KCTD2: variants seen among roughly 807,000 people sequenced by gnomAD.
KCTD2 encodes the protein potassium channel tetramerization domain containing 2.
A neutral mutation model predicts 27.9 loss-of-function variants in KCTD2; 18 were observed. The ratio of observed to expected loss-of-function variants is 0.64; its 90% CI spans 0.45 to 0.96. The LOEUF (loss-of-function observed/expected upper bound fraction) is 0.96, where lower values mean the gene tolerates loss of function less well. Ranked by LOEUF, KCTD2 falls within the 40% of genes least tolerant of loss-of-function variation. KCTD2 has a pLI of 0.00. For synonymous variants in KCTD2, 175 were observed against 148.4 expected (o/e 1.18, Z -1.30); for missense variants, 280 against 348.0 (o/e 0.80, Z 1.56).
chr17:75,042,156 G>C (rs1418905144), intron 3 of KCTD2: 1 of 1,597,358 alleles, frequency 6.3e-7, no homozygotes, highest in Admixed American at 1.7e-5. Flanking sequence ...TACAAGCTCA[G>C]TGCTTTAGAG....
intron 3 of KCTD2, among the ~76,000 whole-genome samples, chr17:75,056,897 G>C (rs1342556867): frequency 6.6e-6 from 1 of 150,456 alleles, no homozygotes; most frequent in Non-Finnish European, 1.5e-5. Context: ...TGACCTCTTA[G>C]CTCTTAGTGG....
Position 75,063,015 on chromosome 17 carries a change from C to T in KCTD2, c.763-3C>T. 2 of 1,614,058 alleles carry T rather than the reference C, an allele frequency of 1.2e-6. No individual in the cohort carries two copies. Among genetic ancestry groups the T allele is most frequent in the African/African-American group, 2.7e-5 (2 of 75,032 alleles). ...CAGCCTCTCCCCCATCTCCAACTTT[C>T]AGATTCTTCAGGAGAGAGGATCGCG... On this transcript the variant is annotated splice_region_variant and splice_polypyrimidine_tract_variant and intron_variant, in intron 5 of 5. Transcript: ENST00000322444.
intron 4 of KCTD2, among the ~76,000 whole-genome samples, chr17:75,061,297 G>A (rs188555645): frequency 4.6e-5 from 7 of 152,244 alleles, no homozygotes; most frequent in South Asian, 2.1e-4. Context: ...GCTCCCCTGC[G>A]TGTGTATTTC....
chr17:75,037,822 G>A (rs2073118686), intron 3 of KCTD2, among the ~76,000 whole-genome samples: 1 of 152,080 alleles, frequency 6.6e-6, no homozygotes, highest in Non-Finnish European at 1.5e-5. Flanking sequence ...GGCTGAGGCG[G>A]GCGGATCACA....
intron 2 of KCTD2, among the ~76,000 whole-genome samples, chr17:75,052,192 C>T (rs985046338): frequency 6.6e-6 from 1 of 152,126 alleles, no homozygotes; most frequent in African/African-American, 2.4e-5. Flanking sequence ...CATACCCTGG[C>T]GTTTGACTAA....
upstream of KCTD2, among the ~76,000 whole-genome samples, chr17:75,044,544 G>A (rs929586201): frequency 4.7e-5 from 7 of 149,396 alleles, no homozygotes; most frequent in South Asian, 2.1e-4. Flanking sequence ...GTTTCTCCAC[G>A]TTGGCCAGGA....
At chr17:75,043,729 T>C (rs1204130550), upstream of KCTD2, among the ~76,000 whole-genome samples, 1 of 152,092 alleles carries the variant, frequency 6.6e-6, no homozygotes, top group Non-Finnish European at 1.5e-5. Context: ...TCCACCCAGA[T>C]TGTGTTTTAT....
intron 3 of KCTD2, among the ~76,000 whole-genome samples, chr17:75,036,483 G>A (rs1409255557): frequency 6.6e-6 from 1 of 152,164 alleles, no homozygotes; most frequent in Non-Finnish European, 1.5e-5. Context: ...CAATCCAAGA[G>A]GGCATAAAAA....
chr17:75,033,867 G>C (rs768841052), intron 1 of KCTD2, among the ~76,000 whole-genome samples: 1 of 152,258 alleles, frequency 6.6e-6, no homozygotes, highest in Non-Finnish European at 1.5e-5. Flanking sequence ...GGGGACACTC[G>C]CTTATGAGGG....
chr17:75,045,399 T>G (rs1322779130), upstream of KCTD2, among the ~76,000 whole-genome samples: 1 of 152,206 alleles, frequency 6.6e-6, no homozygotes, highest in East Asian at 1.9e-4. Flanking sequence ...TGACCAAAAT[T>G]TATTAGGTGG....
chr17:75,050,151 A>G (rs977532148), intron 2 of KCTD2, among the ~76,000 whole-genome samples: 2 of 152,244 alleles, frequency 1.3e-5, no homozygotes, highest in Admixed American at 1.3e-4. Flanking sequence ...TAGTACATAC[A>G]GTGAATTCCT....
Position 75,062,233 on chromosome 17 carries a change from C to G in KCTD2, c.750C>G (p.Ser250Arg). 2 of 1,612,126 alleles carry G rather than the reference C, an allele frequency of 1.2e-6. No homozygotes were observed. Among genetic ancestry groups the G allele is most frequent in the Non-Finnish European group, 1.7e-6 (2 of 1,179,288 alleles). The stretch of plus-strand genomic sequence containing the variant: ...CCAATGGCATCGTCATAGAGCCGAG[C>G]GAAAAGGCGAAGGTAAGGAGCCCCT... The part of the protein sequence containing the change: ...NSTNGIVIEP[S>R]EKAKILQERG... The change falls in exon 5 of 6, where the codon AGC becomes AGG. Residue 250 changes from serine to arginine, a missense_variant. Transcript: ENST00000322444.
Position 75,047,471 on chromosome 17 carries a change from T to C in KCTD2, c.221T>C (p.Val74Ala). Residue 74 changes from valine to alanine, a missense_variant, in exon 1 of 6, where the codon GTC (valine) becomes GCC (alanine). By Grantham distance (64) the Val-to-Ala change is moderately conservative. Transcript: ENST00000322444. Reference protein sequence around the residue: ...RAGGGGAARWVRLNVGGTYFV... With the variant: ...RAGGGGAARWARLNVGGTYFV... ...GGGGGCGGCGGCGCGGCCCGCTGGG[T>C]CAGGCTGAACGTGGGAGGCACCTAC... The C allele has an allele frequency of 1.3e-6, 2 of 1,574,536 alleles. No homozygotes were observed. The highest frequency in any genetic ancestry group is 1.7e-6 in the Non-Finnish European group (2 of 1,162,262).
chr17:75,035,472 G>A (rs972611246), intron 3 of KCTD2: 3 of 152,172 alleles, frequency 2.0e-5, no homozygotes, highest in Non-Finnish European at 4.4e-5. Flanking sequence ...ACAAGCAAAT[G>A]ACACGGAGCG....
chr17:75,047,238 G>A lies in KCTD2; in HGVS notation c.-13G>A, dbSNP rs1257134524. 1.0e-5 allele frequency: 9 copies of A among 904,230 alleles called. No individual in the cohort carries two copies. The highest frequency in any genetic ancestry group is 3.7e-5 in the South Asian group (1 of 26,956). 56.0% of individuals were successfully genotyped at this position (904,230 alleles called of 1,614,324 possible). On this transcript the variant is annotated 5_prime_UTR_variant, in exon 1 of 6. Transcript: ENST00000322444. ...CTGCGCGCGGGCAGCAGCGGTGGCG[G>A]CGGCGGTCCAAGATGGCGGAACTGC...
intron 2 of KCTD2, among the ~76,000 whole-genome samples, chr17:75,034,418 C>T (rs1161662020): frequency 6.6e-6 from 1 of 152,202 alleles, no homozygotes; most frequent in Non-Finnish European, 1.5e-5. Context: ...CTTGCGAGCA[C>T]AGCCCCTCTC....
chr17:75,039,207 A>C, intron 3 of KCTD2: 1 of 1,613,910 alleles, frequency 6.2e-7, no homozygotes, highest in Non-Finnish European at 8.5e-7. Context: ...CATCATCCTT[A>C]CCTCTTTCTC....
intron 3 of KCTD2, chr17:75,039,896 CTTCTT>C: frequency 1.6e-6 from 1 of 639,768 alleles, no homozygotes. Context: ...ATGCTATACT[CTTCTT>C]TTTCTTGTTG....
intron 3 of KCTD2, among the ~76,000 whole-genome samples, chr17:75,057,572 TTC>T (rs201063763): frequency 0.064 from 9,556 of 149,046 alleles, 1,091 homozygotes; most frequent in East Asian, 0.59. Flanking sequence ...TTTTTTTTTT[TTC>T]CTCGAGGCAG....
Sources: gnomAD v4.1 joint callset for allele counts (sites outside exome capture counted in the v4.1 genomes callset) on GRCh38, gnomAD v4.1.1 for gene constraint, MANE v1.5 for transcripts, NCBI Gene and HGNC (gene_info 2026-07-23, HGNC 2026-07-21) for gene names.